Variants in SLCO1A2 observed in about 807,000 individuals in gnomAD.
The protein encoded by SLCO1A2 is OATP-1.
SLCO1A2 carries 67 observed loss-of-function variants against 69.0 expected under a neutral mutation model. That is an observed-to-expected ratio of 0.97 (90% CI 0.80 to 1.19). SLCO1A2 has a LOEUF of 1.19. Among genes scored for constraint, SLCO1A2 ranks in the 50% most tolerant of loss-of-function variants. The pLI is 0.00. For missense variants in SLCO1A2, 787 were observed against 793.7 expected (o/e 0.99, Z 0.10); for synonymous variants, 260 against 265.9 (o/e 0.98, Z 0.22).
chr12:21,293,033 A>G (rs1045903448), intron 11 of SLCO1A2, among the ~76,000 whole-genome samples: 2 of 152,034 alleles, frequency 1.3e-5, no homozygotes, highest in Non-Finnish European at 2.9e-5. Flanking sequence ...AGCAGGGCGC[A>G]GTGGCTTACG....
intron 2 of SLCO1A2, among the ~76,000 whole-genome samples, chr12:21,327,818 G>A (rs549444549): frequency 3.3e-5 from 5 of 152,206 alleles, no homozygotes; most frequent in African/African-American, 1.2e-4. Context: ...ACTGAAATGA[G>A]TTAAGACTTT....
chr12:21,304,422 C>G lies in SLCO1A2; in HGVS notation c.589+5G>C. ...AAAGAAGCTAAGGTAGATTTCCATA[C>G]TTACCAATATATAAAGGAGAATTTT... On this transcript the variant is annotated splice_donor_5th_base_variant and intron_variant, in intron 6 of 14. Transcript: ENST00000683939. 6.3e-7 allele frequency: 1 copy of G among 1,599,024 alleles called. No individual in the cohort carries two copies. Among genetic ancestry groups the G allele is most frequent in the Non-Finnish European group, 8.6e-7 (1 of 1,167,368 alleles).
At chr12:21,390,820 T>C (rs939337524) in intron 1 of SLCO1A2, among the ~76,000 whole-genome samples, 1 of 152,162 alleles carries the variant, frequency 6.6e-6, no homozygotes, top group Admixed American at 6.5e-5. Context: ...AGATAAATTA[T>C]GTAAAGTCCC....
intron 6 of SLCO1A2, 149 bp from the exon 7 acceptor site, chr12:21,301,418 A>G (rs113342211): frequency 6.6e-6 from 3 of 456,426 alleles, no homozygotes; most frequent in Admixed American, 4.1e-5. Context: ...CTTGATGTAC[A>G]TATAAATGAT....
chr12:21,319,497 T>C (rs1223663860), intron 2 of SLCO1A2: 1 of 1,355,226 alleles, frequency 7.4e-7, no homozygotes, highest in Admixed American at 1.9e-5. Flanking sequence ...CATAGTAGGA[T>C]GCTCTGCAAC....
At chr12:21,301,385 T>C (rs1395397907) in intron 6 of SLCO1A2, 116 bp from the exon 7 acceptor site, 1 of 495,570 alleles carries the variant, frequency 2.0e-6, no homozygotes, top group African/African-American at 2.0e-5. Context: ...TTTGACTAGA[T>C]ACACAATTTA....
chr12:21,336,113 C>T (rs1470733804), upstream of SLCO1A2, among the ~76,000 whole-genome samples: 2 of 151,976 alleles, frequency 1.3e-5, no homozygotes, highest in Non-Finnish European at 2.9e-5. Flanking sequence ...TCTTTCTTCT[C>T]GTGCATTTAG....
At chr12:21,351,740 T>G (rs1937974677) in intron 2 of SLCO1A2, among the ~76,000 whole-genome samples, 1 of 150,982 alleles carries the variant, frequency 6.6e-6, no homozygotes, top group Non-Finnish European at 1.5e-5. Flanking sequence ...ATCACGCCAT[T>G]GCACTCCAGC....
At chr12:21,389,438 A>T (rs1252707777) in intron 1 of SLCO1A2, among the ~76,000 whole-genome samples, 4 of 152,024 alleles carry the variant, frequency 2.6e-5, no homozygotes, top group Admixed American at 2.6e-4. Context: ...AGATGCAGAT[A>T]AGACTTATTA....
chr12:21,272,561 A>ATTTATATTTTGTT (rs1292509710), intron 14 of SLCO1A2, among the ~76,000 whole-genome samples: 3 of 151,848 alleles, frequency 2.0e-5, no homozygotes, highest in African/African-American at 7.3e-5. Context: ...CCTTTAACTT[A>ATTTATATTTTGTT]CTTATATTTT....
At chr12:21,388,125 C>G (rs11046010) in intron 1 of SLCO1A2, among the ~76,000 whole-genome samples, 15,817 of 152,098 alleles carry the variant, frequency 0.1, 1,069 homozygotes, top group East Asian at 0.38. Flanking sequence ...AAGTAACTTG[C>G]TTTTGATTTT....
chr12:21,310,276 A>G (rs1046029503), intron 4 of SLCO1A2, among the ~76,000 whole-genome samples: 1 of 152,248 alleles, frequency 6.6e-6, no homozygotes, highest in Non-Finnish European at 1.5e-5. Context: ...TAATTTTCTA[A>G]TGCATATAAA....
At chr12:21,396,909 T>C (rs538712808), upstream of SLCO1A2, among the ~76,000 whole-genome samples, 64 of 152,210 alleles carry the variant, frequency 4.2e-4, no homozygotes, top group Non-Finnish European at 7.1e-4. Flanking sequence ...TACCAGCTGC[T>C]GCAAAATCAT....
rs559340138 is a variant in SLCO1A2, at chr12:21,277,491, ACT to A, written c.1611-2069_1611-2068del. The stretch of plus-strand genomic sequence containing the variant: ...AGAGCTGTGGCAGCTGTGGTGAGAG[ACT>A]CTCTGTTTGAGAAAAGCACAGGCAC... On this transcript the variant is annotated intron_variant, in intron 12 of 14. Transcript: ENST00000683939. 5.1e-3 allele frequency among the ~76,000 whole-genome samples: 649 copies of A among 128,092 alleles called. 3 individuals are homozygous for A. The highest frequency in any genetic ancestry group is 6.9e-3 in the Non-Finnish European group (416 of 60,344). The allele number at this position is 128,092 out of a possible 152,430, so 84.0% of individuals were successfully genotyped here.
chr12:21,366,300 C>CA (rs1177948636), intron 2 of SLCO1A2, among the ~76,000 whole-genome samples: 8 of 139,986 alleles, frequency 5.7e-5, no homozygotes, highest in East Asian at 2.2e-4. Flanking sequence ...ATCACAAGGA[C>CA]AAAAAACCAA....
chr12:21,385,885 A>G (rs151060950), intron 1 of SLCO1A2, among the ~76,000 whole-genome samples: 16 of 152,264 alleles, frequency 1.1e-4, no homozygotes, highest in African/African-American at 3.1e-4. Context: ...TAGAAACCAT[A>G]TTTTTCCAGA....
intron 14 of SLCO1A2, among the ~76,000 whole-genome samples, chr12:21,272,591 C>G (rs1275200224): frequency 6.6e-6 from 1 of 151,878 alleles, no homozygotes; most frequent in Non-Finnish European, 1.5e-5. Flanking sequence ...ATTAATATAA[C>G]TACAGAAGTT....
In SLCO1A2 at chr12:21,332,557, C is replaced by T. The variant is rs138797343; in HGVS notation, c.60+2031G>A. Among the ~76,000 whole-genome samples, 3 of 152,182 alleles carry T rather than the reference C, an allele frequency of 2.0e-5. No individual in the cohort carries two copies. In the East Asian group the frequency reaches 5.8e-4, roughly 29 times the overall value. ...CACCTCCTTCCCATAACAGCCTAAA[C>T]TTGTTTTTTAGACTAACTTTGGAAG... On this transcript the variant is annotated intron_variant, in intron 2 of 14. Coordinates refer to ENST00000683939, the MANE Select transcript of SLCO1A2 (RefSeq NM_001386879.1).
At chr12:21,388,324 C>A (rs1940987675) in intron 1 of SLCO1A2, among the ~76,000 whole-genome samples, 1 of 151,844 alleles carries the variant, frequency 6.6e-6, no homozygotes, top group Non-Finnish European at 1.5e-5. Context: ...GTGTCTCCAC[C>A]CAAATCTCAT....
Sources: gnomAD v4.1 joint callset for allele counts (sites outside exome capture counted in the v4.1 genomes callset) on GRCh38, gnomAD v4.1.1 for gene constraint, MANE v1.5 for transcripts, NCBI Gene and HGNC (gene_info 2026-07-23, HGNC 2026-07-21) for gene names.